Variants in CD84 observed in about 807,000 individuals in gnomAD.
CD84 encodes CD84 molecule.
CD84 carries 22 observed loss-of-function variants against 33.8 expected under a neutral mutation model. That is an observed-to-expected ratio of 0.65 (90% CI 0.46 to 0.93). The LOEUF is 0.93. CD84 is among the 40% of genes least tolerant of loss of function. The probability of loss-of-function intolerance (pLI) is 0.00; values close to 1 mark genes in which losing one functional copy is unlikely to be tolerated. For missense variants in CD84, 400 were observed against 397.6 expected, an observed-to-expected ratio of 1.01 and a Z score of -0.05; for synonymous variants, 154 against 145.2, an observed-to-expected ratio of 1.06 and a Z score of -0.44.
At chr1:160,562,394 C>G (rs1347545934) in intron 2 of CD84, among the ~76,000 whole-genome samples, 1 of 152,026 alleles carries the variant, frequency 6.6e-6, no homozygotes, top group African/African-American at 2.4e-5. Flanking sequence ...ACCAATGGAA[C>G]AGAATAAAGA....
intron 6 of CD84, 119 bp from the exon 7 acceptor site, chr1:160,548,440 C>T: frequency 1.0e-6 from 1 of 995,788 alleles, no homozygotes; most frequent in Non-Finnish European, 1.5e-6. Flanking sequence ...AGATTTGCCT[C>T]ATGCTGGGGA....
intron 2 of CD84, among the ~76,000 whole-genome samples, chr1:160,555,240 C>T (rs539640467): frequency 1.4e-4 from 21 of 152,002 alleles, no homozygotes; most frequent in South Asian, 6.2e-4. Flanking sequence ...CCCACCACCA[C>T]GCCTAATTTT....
rs1658159079 is a variant in CD84, at chr1:160,579,373, A to G, written c.46+19T>C. 1 of 1,612,990 alleles carries G rather than the reference A, an allele frequency of 6.2e-7. No homozygotes were observed. Among genetic ancestry groups the G allele is most frequent in the African/African-American group, 1.3e-5 (1 of 74,868 alleles). On this transcript the variant is annotated intron_variant, in intron 1 of 6. Transcript: ENST00000368054. Reference sequence around the variant, plus strand: ...CTTTATGGAAAACTAGGAGGCGATCAGCAAGGGTCAGAACTCACAGGTTTG... The same window carrying G: ...CTTTATGGAAAACTAGGAGGCGATCGGCAAGGGTCAGAACTCACAGGTTTG...
At chr1:160,559,202 GA>G (rs1417367649) in intron 2 of CD84, among the ~76,000 whole-genome samples, 2 of 152,256 alleles carry the variant, frequency 1.3e-5, no homozygotes, top group South Asian at 4.1e-4. Flanking sequence ...AGGTCGAAAT[GA>G]AAGTAAAAAT....
At position 160,568,470 on chromosome 1, in the gene CD84, C is replaced by T. The variant is rs111578952; in HGVS notation, c.47-2725G>A. Among the ~76,000 whole-genome samples the T allele has an allele frequency of 1.9e-4, 29 of 152,174 alleles. 2 individuals are homozygous for T. The highest frequency in any genetic ancestry group is 6.7e-4 in the African/African-American group (28 of 41,496). ...GCACATGTTTAAGATGAAGATTCTG[C>T]CACCTTCAAACACTCCAACTGTGCT... On this transcript the variant is annotated intron_variant, in intron 1 of 6. Transcript: ENST00000368054.
At chr1:160,549,414 G>A (rs1656039374) in intron 6 of CD84, among the ~76,000 whole-genome samples, 1 of 151,900 alleles carries the variant, frequency 6.6e-6, no homozygotes. Context: ...TGACAGAGAA[G>A]GACATAAGGC....
At chr1:160,573,008 T>A (rs1173940541) in intron 1 of CD84, among the ~76,000 whole-genome samples, 1 of 152,240 alleles carries the variant, frequency 6.6e-6, no homozygotes, top group African/African-American at 2.4e-5. Flanking sequence ...CCTTTCTGTG[T>A]CTAAGATGAT....
Position 160,566,168 on chromosome 1 carries a change from G to C in CD84, c.47-423C>G, listed in dbSNP as rs141913979. 3.8e-3 allele frequency among the ~76,000 whole-genome samples: 582 copies of C among 152,214 alleles called. 3 individuals carry two copies. Among genetic ancestry groups the C allele is most frequent in the Non-Finnish European group, 4.2e-3 (289 of 68,002 alleles). On this transcript the variant is annotated intron_variant, in intron 1 of 6. Transcript: ENST00000368054. ...TTGGCTGATGGACTCTTGGGTCATT[G>C]CTTTTTATTTTCCTGTGATCTCTGT... is the stretch of plus-strand genomic sequence containing the variant.
intron 2 of CD84, 23 bp from the exon 3 acceptor site, chr1:160,554,169 C>T (rs1416360544): frequency 1.1e-5 from 17 of 1,588,376 alleles, no homozygotes; most frequent in Non-Finnish European, 1.5e-5. Flanking sequence ...ACACATGAGC[C>T]AATAGTGAGC....
Position 160,548,287 on chromosome 1 carries a change from G to A in CD84, c.956C>T (p.Pro319Leu), listed in dbSNP as rs921150060. The change falls in exon 7 of 7, where the codon CCT becomes CTT. Residue 319 changes from proline (P) to leucine (L), a missense_variant. Pro to Leu is a moderately conservative substitution (Grantham distance 98). Coordinates refer to ENST00000368054, the MANE Select transcript of CD84 (RefSeq NM_003874.4). ...CACAATTTCATAGCTTGAAGTCCCA[G>A]GAGGTTTACTGTCCTGTGTGCTGGC... ...GKASTQDSKPPGTSSYEIVI is the reference protein window; with the variant it reads ...GKASTQDSKPLGTSSYEIVI 2 of 1,614,058 alleles carry A rather than the reference G, an allele frequency of 1.2e-6. No individual in the cohort carries two copies. Among genetic ancestry groups the A allele is most frequent in the African/African-American group, 1.3e-5 (1 of 74,914 alleles).
At chr1:160,559,088 C>T (rs947221740) in intron 2 of CD84, among the ~76,000 whole-genome samples, 3 of 152,102 alleles carry the variant, frequency 2.0e-5, no homozygotes, top group Non-Finnish European at 2.9e-5. Flanking sequence ...ACTTCCCCAG[C>T]CTAGCAAGAC....
chr1:160,567,206 G>C (rs1571376639), intron 1 of CD84, among the ~76,000 whole-genome samples: 1 of 152,134 alleles, frequency 6.6e-6, no homozygotes, highest in Admixed American at 6.6e-5. Flanking sequence ...TTTATCCAAG[G>C]CTTGGTATAC....
rs1202598375 is a variant in CD84, at chr1:160,543,992, T to C, written c.*4264A>G. 1 of 152,074 alleles carries C rather than the reference T, an allele frequency of 6.6e-6. No homozygotes were observed. Among genetic ancestry groups the C allele is most frequent in the Non-Finnish European group, 1.5e-5 (1 of 68,016 alleles). The allele number at this position is 152,074 out of a possible 1,614,324, so 9.4% of individuals were successfully genotyped here. On this transcript the variant is annotated 3_prime_UTR_variant, in exon 7 of 7. Transcript: ENST00000368054. Reference sequence around the variant, plus strand: ...GTAGGCACTATTATTATCCCCATTTTACAGATGGACAACCTGAGGTACAGC... The same window carrying C: ...GTAGGCACTATTATTATCCCCATTTCACAGATGGACAACCTGAGGTACAGC...
At chr1:160,549,771 C>T (rs1656075242) in intron 6 of CD84, 146 bp downstream of exon 6, 2 of 714,986 alleles carry the variant, frequency 2.8e-6, no homozygotes, top group African/African-American at 1.7e-5. Flanking sequence ...GGTGGAAGTA[C>T]ATATAGACCA....
At chr1:160,577,853 C>T (rs921747195) in intron 1 of CD84, among the ~76,000 whole-genome samples, 3 of 152,164 alleles carry the variant, frequency 2.0e-5, no homozygotes, top group African/African-American at 2.4e-5. Context: ...AATGTAACTT[C>T]GTCTAGGTCA....
At chr1:160,577,986 C>T (rs1208048272) in intron 1 of CD84, among the ~76,000 whole-genome samples, 1 of 152,016 alleles carries the variant, frequency 6.6e-6, no homozygotes. Context: ...TGAAGAGCAT[C>T]AAAAATTTGA....
At chr1:160,575,526 A>C (rs1424756428) in intron 1 of CD84, among the ~76,000 whole-genome samples, 2 of 131,210 alleles carry the variant, frequency 1.5e-5, no homozygotes, top group Admixed American at 7.3e-5. Context: ...CACACACACA[A>C]AATCTCAAAA....
intron 1 of CD84, among the ~76,000 whole-genome samples, chr1:160,577,394 C>T (rs1228870744): frequency 6.6e-6 from 1 of 152,134 alleles, no homozygotes; most frequent in Admixed American, 6.6e-5. Flanking sequence ...GCAGAATAAT[C>T]CTTAAGAGGC....
At chr1:160,555,928 C>T (rs1031240522) in intron 2 of CD84, among the ~76,000 whole-genome samples, 1 of 152,114 alleles carries the variant, frequency 6.6e-6, no homozygotes, top group African/African-American at 2.4e-5. Context: ...GGGATCTATT[C>T]CATATTAGAA....
Sources: allele counts gnomAD v4.1 joint callset (sites outside exome capture counted in the v4.1 genomes callset), GRCh38; gene constraint gnomAD v4.1.1; transcripts MANE v1.5; gene names NCBI Gene and HGNC (gene_info 2026-07-23, HGNC 2026-07-21).